The following CNOT3 variants were observed in gnomAD, a reference collection of about 807,000 sequenced individuals.
The protein encoded by CNOT3 is CCR4-NOT transcription complex subunit 3.
Under a neutral mutation model 89.4 loss-of-function variants are expected in CNOT3, and 2 were observed. That is an observed-to-expected ratio of 0.02 (90% CI 0.01 to 0.07). The LOEUF (loss-of-function observed/expected upper bound fraction) is 0.07. Ranked by LOEUF, CNOT3 falls within the 10% of genes least tolerant of loss-of-function variation. CNOT3 has a pLI of 1.00. For missense variants in CNOT3, 664 were observed against 1,010.2 expected (o/e 0.66, Z 4.65); for synonymous variants, 486 against 402.0 (o/e 1.21, Z -2.50).
rs375363284 is a variant in CNOT3, at chr19:54,152,409, A to G, written c.1706-19A>G. On this transcript the variant is annotated intron_variant, in intron 14 of 17. Coordinates refer to ENST00000221232, the MANE Select transcript of CNOT3 (RefSeq NM_014516.4). ...CCATCCTCACCACTGAGGGGGCCGG[A>G]CCCCCACCCTCCCCACAGACATCAT... 1 of 1,613,140 alleles carries G rather than the reference A, an allele frequency of 6.2e-7. No individual in the cohort carries two copies. The highest frequency in any genetic ancestry group is 8.5e-7 in the Non-Finnish European group (1 of 1,179,532).
At chr19:54,153,579 C>T in intron 16 of CNOT3, 136 bp from the exon 17 acceptor site, 2 of 788,376 alleles carry the variant, frequency 2.5e-6, no homozygotes, top group South Asian at 1.3e-5. Context: ...CCAGCCCCAT[C>T]TCCAAGAGGA....
Position 54,144,341 on chromosome 19 carries a change from G to A in CNOT3, c.483+9G>A. 1.9e-6 allele frequency: 3 copies of A among 1,606,158 alleles called. No individual in the cohort carries two copies. The highest frequency in any genetic ancestry group is 2.6e-6 in the Non-Finnish European group (3 of 1,172,992). On this transcript the variant is annotated intron_variant, in intron 7 of 17. Coordinates refer to ENST00000221232, the MANE Select transcript of CNOT3 (RefSeq NM_014516.4). This position sits in a 1 kb window ranked among gnomAD's most constrained non-coding sequence, Gnocchi z 4.8. Reference sequence around the variant, plus strand: ...AGAAGGGCGACAAGGATGTGAGTGAGGGAGACCCGACACCTTTGGGATGGG... The same window carrying A: ...AGAAGGGCGACAAGGATGTGAGTGAAGGAGACCCGACACCTTTGGGATGGG...
intron 12 of CNOT3, among the ~76,000 whole-genome samples, chr19:54,149,053 C>T (rs587761297): frequency 2.6e-5 from 4 of 152,356 alleles, no homozygotes; most frequent in Middle Eastern, 3.4e-3. Flanking sequence ...TGACTGCCAC[C>T]GGAGGGTCAC....
Position 54,148,743 on chromosome 19 carries a change from CGTGA to C in CNOT3, c.1406+4_1406+7del, listed in dbSNP as rs2074851059. 6.2e-7 allele frequency: 1 copy of C among 1,611,044 alleles called. No homozygotes were observed. The highest frequency in any genetic ancestry group is 8.5e-7 in the Non-Finnish European group (1 of 1,179,012). On this transcript the variant is annotated splice_donor_variant and splice_donor_region_variant and intron_variant, in intron 12 of 17. Transcript: ENST00000221232. LOFTEE classifies it high-confidence loss of function. The surrounding 1 kb of genome is among the most constrained non-coding windows in gnomAD (Gnocchi z 6.3). ...CCCCACAACCCACCTCCCAGCACCT[CGTGA>C]GTGTCTCGGCCATCGGCAGGGTTGG...
At position 54,148,267 on chromosome 19, in the gene CNOT3, T is replaced by C; in HGVS notation, c.1014T>C (p.Pro338=). The change falls in exon 11 of 18, where the codon CCT becomes CCC. Residue 338 remains proline, a synonymous_variant. Transcript: ENST00000221232. The surrounding 1 kb of genome is among the most constrained non-coding windows in gnomAD (Gnocchi z 6.3). The part of the protein sequence containing the change: ...PPAASALSTT[P]GNNGVPAPAA... Reference sequence around the variant, plus strand: ...CTGCCTCTGCCTTGAGCACCACTCCTGGCAACAATGGGGTCCCCGCCCCCG... The same window carrying C: ...CTGCCTCTGCCTTGAGCACCACTCCCGGCAACAATGGGGTCCCCGCCCCCG... 6.2e-7 allele frequency: 1 copy of C among 1,607,576 alleles called. No homozygotes were observed. Among genetic ancestry groups the C allele is most frequent in the South Asian group, 1.1e-5 (1 of 90,342 alleles).
At chr19:54,140,259 G>A (rs906559309) in intron 1 of CNOT3, among the ~76,000 whole-genome samples, 2 of 150,444 alleles carry the variant, frequency 1.3e-5, no homozygotes, top group African/African-American at 2.4e-5. Context: ...CCCCCACCCC[G>A]CCACCCGCCT....
At chr19:54,153,303 C>T (rs767864292) in intron 16 of CNOT3, 3 of 761,878 alleles carry the variant, frequency 3.9e-6, no homozygotes, top group Non-Finnish European at 7.2e-6. Context: ...TCCAGCAGCC[C>T]CAGTCTAGGC....
Position 54,148,886 on chromosome 19 carries a change from G to A in CNOT3, c.1406+143G>A, listed in dbSNP as rs2289147. The A allele has an allele frequency of 0.3, 202,718 of 675,432 alleles. 33,394 individuals carry two copies. The highest frequency in any genetic ancestry group is 0.35 in the Non-Finnish European group (141,323 of 404,630). The allele number at this position is 675,432 out of a possible 1,614,324, so 41.8% of individuals were successfully genotyped here. On this transcript the variant is annotated intron_variant, in intron 12 of 17. Transcript: ENST00000221232. The surrounding 1 kb of genome is among the most constrained non-coding windows in gnomAD (Gnocchi z 6.3). ...CCAAGCGCTATCCTCCATCTCCCTCGGGTGTTACACCCCCACTTCTTTCCA... is the reference window on the plus strand; with the variant it reads ...CCAAGCGCTATCCTCCATCTCCCTCAGGTGTTACACCCCCACTTCTTTCCA...
At chr19:54,154,318 C>T in intron 17 of CNOT3, 1 of 309,140 alleles carries the variant, frequency 3.2e-6, no homozygotes, top group South Asian at 2.8e-5. Context: ...GAAATTCCTG[C>T]TGCTTGCAAA....
At chr19:54,153,045 GCCA>G in intron 16 of CNOT3, 46 bp downstream of exon 16, 1 of 1,567,782 alleles carries the variant, frequency 6.4e-7, no homozygotes. Flanking sequence ...CGGCTTCGCC[GCCA>G]CCGCCGCCGT....
At position 54,144,006 on chromosome 19, in the gene CNOT3, C is replaced by A; in HGVS notation, c.259C>A (p.Gln87Lys). Reference sequence around the variant, plus strand: ...CCCCTGCCAACTGCACTCTCTACAGCAAATGGAACGGTTCAAAGTTGTGGA... The same window carrying A: ...CCCCTGCCAACTGCACTCTCTACAGAAAATGGAACGGTTCAAAGTTGTGGA... Reference protein sequence around the residue: ...LIDNRKLIETQMERFKVVERE... With the variant: ...LIDNRKLIETKMERFKVVERE... Residue 87 changes from glutamine (Q) to lysine (K), a missense_variant and splice_region_variant, in exon 6 of 18, where the codon CAA (glutamine) becomes AAA (lysine). Gln to Lys is a moderately conservative substitution (Grantham distance 53, BLOSUM62 1). This residue lies in a region of CNOT3 where 27 missense variants were observed against 158.2 expected (regional missense o/e 0.17). Coordinates refer to ENST00000221232, the MANE Select transcript of CNOT3 (RefSeq NM_014516.4). This position sits in a 1 kb window ranked among gnomAD's most constrained non-coding sequence, Gnocchi z 4.8. 6.3e-7 allele frequency: 1 copy of A among 1,592,898 alleles called. No homozygotes were observed. Among genetic ancestry groups the A allele is most frequent in the Non-Finnish European group, 8.5e-7 (1 of 1,174,588 alleles).
intron 13 of CNOT3, among the ~76,000 whole-genome samples, chr19:54,151,099 A>G (rs1332043320): frequency 1.3e-5 from 2 of 152,168 alleles, no homozygotes; most frequent in Non-Finnish European, 2.9e-5. Flanking sequence ...CCCAAATTTT[A>G]GAAGTAGGTG....
At position 54,148,179 on chromosome 19, in the gene CNOT3, A is replaced by G; in HGVS notation, c.926A>G (p.His309Arg). Residue 309 changes from histidine (H) to arginine (R), a missense_variant, in exon 11 of 18, where the codon CAC (histidine) becomes CGC (arginine). Coordinates refer to ENST00000221232, the MANE Select transcript of CNOT3 (RefSeq NM_014516.4). The surrounding 1 kb of genome is among the most constrained non-coding windows in gnomAD (Gnocchi z 6.3). Reference sequence around the variant, plus strand: ...GCCAAAAACGGCTCCAAGCCTGTCCACAGCAACCAGCACCCTCAGTCCCCA... The same window carrying G: ...GCCAAAAACGGCTCCAAGCCTGTCCGCAGCAACCAGCACCCTCAGTCCCCA... ...SPAKNGSKPV[H>R]SNQHPQSPAV... The G allele has an allele frequency of 6.4e-7, 1 of 1,560,344 alleles. No homozygotes were observed.
chr19:54,150,303 AG>A (rs1172743714), intron 13 of CNOT3, among the ~76,000 whole-genome samples: 1 of 152,100 alleles, frequency 6.6e-6, no homozygotes, highest in African/African-American at 2.4e-5. Context: ...TGGACCAGGC[AG>A]GGGGGCTAAC....
At chr19:54,151,446 G>A (rs587608409) in intron 13 of CNOT3, among the ~76,000 whole-genome samples, 12 of 152,258 alleles carry the variant, frequency 7.9e-5, no homozygotes, top group African/African-American at 2.6e-4. Flanking sequence ...GCTCACACCT[G>A]TAATCCCAGC....
chr19:54,152,370 G>A (rs1295318594), intron 14 of CNOT3, 45 bp downstream of exon 14: 1 of 1,614,050 alleles, frequency 6.2e-7, no homozygotes, highest in South Asian at 1.1e-5. Flanking sequence ...CAAAGAGGAG[G>A]GGCTGCCCCT....
chr19:54,142,829 T>C (rs934643287), intron 1 of CNOT3, 100 bp from the exon 2 acceptor site: 22 of 753,414 alleles, frequency 2.9e-5, no homozygotes, highest in Non-Finnish European at 5.1e-5. Context: ...TTCTTCTCTT[T>C]ACCAGTCCCA....
At chr19:54,140,432 T>C (rs1237470478) in intron 1 of CNOT3, among the ~76,000 whole-genome samples, 3 of 152,154 alleles carry the variant, frequency 2.0e-5, no homozygotes, top group African/African-American at 7.2e-5. Flanking sequence ...TTGGAGGATC[T>C]TGGTGGATGC....
At chr19:54,153,942 A>AG in intron 17 of CNOT3, 102 bp downstream of exon 17, 1 of 1,457,584 alleles carries the variant, frequency 6.9e-7, no homozygotes, top group Non-Finnish European at 9.6e-7. Flanking sequence ...TCCACCTTTC[A>AG]GCTGGCGCAG....
Sources: allele counts gnomAD v4.1 joint callset (sites outside exome capture counted in the v4.1 genomes callset), GRCh38; gene constraint gnomAD v4.1.1; regional missense constraint gnomAD v4.1.1; non-coding constraint Gnocchi (gnomAD v3.1); transcripts MANE v1.5; gene names NCBI Gene and HGNC (gene_info 2026-07-23, HGNC 2026-07-21).